KCNJ3: variants seen among roughly 807,000 people sequenced by gnomAD.
KCNJ3 encodes the protein G protein-activated inward rectifier potassium channel 1.
Under a neutral mutation model 39.2 loss-of-function variants are expected in KCNJ3, and 4 were observed. The observed-to-expected ratio is 0.10, with a 90% CI of 0.05 to 0.23. The LOEUF (loss-of-function observed/expected upper bound fraction) is 0.23. KCNJ3 is among the 10% of genes least tolerant of loss of function. KCNJ3 has a pLI of 1.00. For missense variants in KCNJ3, 276 were observed against 634.9 expected (o/e 0.43, Z 6.08); for synonymous variants, 230 against 237.4 (o/e 0.97, Z 0.29).
rs184172338 is a variant in KCNJ3, at chr2:154,721,719, T to C, written c.919+11900T>C. On this transcript the variant is annotated intron_variant, in intron 2 of 2. Coordinates refer to ENST00000295101, the MANE Select transcript of KCNJ3 (RefSeq NM_002239.4). ...CTACCATCAAGTTGAATAGTAGAAT[T>C]GGAATGATAAAATTATAAAGATAAC... is the stretch of plus-strand genomic sequence containing the variant. Among the ~76,000 whole-genome samples the C allele has an allele frequency of 2.3e-3, 356 of 152,216 alleles. 2 individuals carry two copies. The highest frequency in any genetic ancestry group is 8.2e-3 in the African/African-American group (339 of 41,556).
chr2:154,747,146 T>C (rs1685760299), intron 2 of KCNJ3, among the ~76,000 whole-genome samples: 2 of 152,010 alleles, frequency 1.3e-5, no homozygotes, highest in African/African-American at 4.8e-5. Flanking sequence ...CATTTCTTAC[T>C]TAGTGACTAT....
At position 154,732,259 on chromosome 2, in the gene KCNJ3, A is replaced by C. The variant is rs552987621; in HGVS notation, c.919+22440A>C. ...TGCATTTTTTATTTCTAAATGTCTT[A>C]TTTATCCCAGGACAATTTGATTGCT... On this transcript the variant is annotated intron_variant, in intron 2 of 2. Coordinates refer to ENST00000295101, the MANE Select transcript of KCNJ3 (RefSeq NM_002239.4). Among the ~76,000 whole-genome samples, 21 of 152,178 alleles carry C rather than the reference A, an allele frequency of 1.4e-4. No individual in the cohort carries two copies. The East Asian group carries it at 4.0e-3, about 29-fold the overall frequency.
At chr2:154,821,256 AT>A (rs1251346164) in intron 2 of KCNJ3, among the ~76,000 whole-genome samples, 3 of 151,980 alleles carry the variant, frequency 2.0e-5, no homozygotes, top group Non-Finnish European at 4.4e-5. Flanking sequence ...AAAAGCCCAA[AT>A]TTCTCTCTTT....
chr2:154,776,883 A>G (rs907565119), intron 2 of KCNJ3, among the ~76,000 whole-genome samples: 10 of 151,234 alleles, frequency 6.6e-5, no homozygotes, highest in African/African-American at 2.2e-4. Context: ...ATCCCTCTAC[A>G]TTAACAAAAA....
At chr2:154,737,604 C>A (rs1279187312) in intron 2 of KCNJ3, among the ~76,000 whole-genome samples, 3 of 152,036 alleles carry the variant, frequency 2.0e-5, no homozygotes, top group Admixed American at 2.0e-4. Context: ...AGTAGAGATA[C>A]ATAGAAATAT....
chr2:154,821,696 T>A (rs1687185026), intron 2 of KCNJ3, among the ~76,000 whole-genome samples: 1 of 139,224 alleles, frequency 7.2e-6, no homozygotes, highest in Non-Finnish European at 1.5e-5. Context: ...GGCTAGAGTT[T>A]AGTGGTGCGA....
chr2:154,779,404 T>G (rs1373479181), intron 2 of KCNJ3, among the ~76,000 whole-genome samples: 2 of 149,518 alleles, frequency 1.3e-5, no homozygotes, highest in African/African-American at 4.9e-5. Context: ...TGGAGACTTA[T>G]GAGGTCAGTT....
chr2:154,750,482 C>T (rs1685821096), intron 2 of KCNJ3, among the ~76,000 whole-genome samples: 1 of 151,884 alleles, frequency 6.6e-6, no homozygotes. Context: ...GATTAGAATT[C>T]TATTTCTATA....
intron 2 of KCNJ3, among the ~76,000 whole-genome samples, chr2:154,713,501 T>C (rs1187401955): frequency 6.6e-6 from 1 of 152,164 alleles, no homozygotes; most frequent in East Asian, 1.9e-4. Flanking sequence ...GGGAGGGAAG[T>C]GAGAAATTAG....
chr2:154,801,481 CTTTCT>C lies in KCNJ3; in HGVS notation c.920-53227_920-53223del, dbSNP rs58291298. Among the ~76,000 whole-genome samples, 1,130 of 149,502 alleles carry C rather than the reference CTTTCT, an allele frequency of 7.6e-3. 14 individuals are homozygous for C. The highest frequency in any genetic ancestry group is 0.026 in the African/African-American group (1,053 of 40,922). ...GGAAGGCCCCCTTCCTCCCTCCCTC[CTTTCT>C]TTTCTTTTCTTTTCTTTTTTCTTTT... On this transcript the variant is annotated intron_variant, in intron 2 of 2. Coordinates refer to ENST00000295101, the MANE Select transcript of KCNJ3 (RefSeq NM_002239.4).
chr2:154,780,046 A>G (rs1012060004), intron 2 of KCNJ3, among the ~76,000 whole-genome samples: 14 of 152,194 alleles, frequency 9.2e-5, no homozygotes, highest in African/African-American at 3.1e-4. Flanking sequence ...ACAGTATGTC[A>G]TGTACTGTGG....
intron 2 of KCNJ3, among the ~76,000 whole-genome samples, chr2:154,767,763 C>T (rs1574454831): frequency 6.6e-6 from 1 of 152,328 alleles, no homozygotes; most frequent in Non-Finnish European, 1.5e-5. Context: ...AATTGCCACA[C>T]TGTCTTCCAC....
At chr2:154,718,562 C>A (rs1298119665) in intron 2 of KCNJ3, among the ~76,000 whole-genome samples, 2 of 152,166 alleles carry the variant, frequency 1.3e-5, no homozygotes, top group African/African-American at 4.8e-5. Context: ...GCCTTCCTAA[C>A]TGCCTGCCTC....
chr2:154,812,659 T>A (rs34266707), intron 2 of KCNJ3, among the ~76,000 whole-genome samples: 31,350 of 152,006 alleles, frequency 0.21, 4,293 homozygotes, highest in Non-Finnish European at 0.3. Context: ...AGAATTTTTT[T>A]AAAAATCTGG....
At chr2:154,815,395 TG>T (rs1264850514) in intron 2 of KCNJ3, among the ~76,000 whole-genome samples, 1 of 152,188 alleles carries the variant, frequency 6.6e-6, no homozygotes, top group African/African-American at 2.4e-5. Context: ...CTGCATCTTT[TG>T]TTCAGTTCTT....
At chr2:154,783,088 G>T (rs1241258359) in intron 2 of KCNJ3, among the ~76,000 whole-genome samples, 2 of 152,106 alleles carry the variant, frequency 1.3e-5, no homozygotes, top group African/African-American at 2.4e-5. Context: ...TGAGGCAGGA[G>T]AATAGCTTGA....
At chr2:154,730,828 C>G (rs1434799994) in intron 2 of KCNJ3, among the ~76,000 whole-genome samples, 7 of 151,966 alleles carry the variant, frequency 4.6e-5, no homozygotes, top group African/African-American at 1.7e-4. Context: ...GTAGATGGCT[C>G]TTCATCTAAA....
At chr2:154,850,215 A>G (rs970601137) in intron 2 of KCNJ3, among the ~76,000 whole-genome samples, 2 of 151,750 alleles carry the variant, frequency 1.3e-5, no homozygotes, top group Admixed American at 6.6e-5. Context: ...TAAGAGGTGC[A>G]ATCTCATAGT....
At chr2:154,719,333 G>A (rs532303920) in intron 2 of KCNJ3, among the ~76,000 whole-genome samples, 2 of 152,248 alleles carry the variant, frequency 1.3e-5, no homozygotes, top group South Asian at 4.1e-4. Context: ...GGTAAAACTG[G>A]AAGAGAACAT....
Sources: allele counts gnomAD v4.1 joint callset (sites outside exome capture counted in the v4.1 genomes callset), GRCh38; gene constraint gnomAD v4.1.1; transcripts MANE v1.5; gene names NCBI Gene and HGNC (gene_info 2026-07-23, HGNC 2026-07-21).